C10orf90: variants seen among roughly 807,000 people sequenced by gnomAD.
C10orf90 encodes the protein (E2-independent) E3 ubiquitin-conjugating enzyme FATS.
In C10orf90, 56 loss-of-function variants were observed where a neutral mutation model predicts 62.5. That is an observed-to-expected ratio of 0.90 (90% CI 0.72 to 1.12). The LOEUF (loss-of-function observed/expected upper bound fraction) is 1.12. Ranked by LOEUF, C10orf90 falls within the 50% of genes most tolerant of loss-of-function variation. C10orf90 has a pLI of 0.00. For missense variants in C10orf90, 970 were observed against 880.4 expected, an observed-to-expected ratio of 1.10 and a Z score of -1.29; for synonymous variants, 386 against 340.4, an observed-to-expected ratio of 1.13 and a Z score of -1.47.
intron 4 of C10orf90, among the ~76,000 whole-genome samples, chr10:126,480,132 T>A (rs762807467): frequency 6.6e-6 from 1 of 152,218 alleles, no homozygotes; most frequent in Non-Finnish European, 1.5e-5. Context: ...CTAAAGACTT[T>A]TATTATTCAC....
intron 2 of C10orf90, among the ~76,000 whole-genome samples, chr10:126,605,362 G>A (rs1845285846): frequency 6.6e-6 from 1 of 152,334 alleles, no homozygotes; most frequent in East Asian, 1.9e-4. Flanking sequence ...CTACAGGCCT[G>A]TGGGGAGCAG....
chr10:126,493,023 G>A (rs968783913), intron 4 of C10orf90, among the ~76,000 whole-genome samples: 3 of 152,082 alleles, frequency 2.0e-5, no homozygotes, highest in African/African-American at 4.8e-5. Flanking sequence ...TTTAAATAAA[G>A]TTATACAATG....
chr10:126,540,663 T>A, intron 2 of C10orf90, among the ~76,000 whole-genome samples: 1 of 46,780 alleles, frequency 2.1e-5, no homozygotes, highest in Non-Finnish European at 4.2e-5. Context: ...TGAGACCTTG[T>A]CTAAAAAAAA....
At chr10:126,563,137 G>A (rs543909087) in intron 2 of C10orf90, among the ~76,000 whole-genome samples, 1 of 152,208 alleles carries the variant, frequency 6.6e-6, no homozygotes, top group Non-Finnish European at 1.5e-5. Flanking sequence ...CACTCCAGCT[G>A]GTTGTTGTTT....
chr10:126,599,182 CT>C (rs755259124), intron 2 of C10orf90, among the ~76,000 whole-genome samples: 3,837 of 128,234 alleles, frequency 0.03, 135 homozygotes, highest in African/African-American at 0.1. Context: ...GGTTCCACTC[CT>C]TTTTTTTTTT....
intron 4 of C10orf90, among the ~76,000 whole-genome samples, chr10:126,466,789 C>G (rs1161831585): frequency 2.0e-5 from 3 of 152,160 alleles, no homozygotes; most frequent in Admixed American, 6.5e-5. Flanking sequence ...TAGAAAGTAC[C>G]AAAAAGAAAG....
intron 4 of C10orf90, 97 bp from the exon 5 acceptor site, chr10:126,465,083 G>T (rs995302351): frequency 8.8e-5 from 112 of 1,266,682 alleles, no homozygotes; most frequent in African/African-American, 5.3e-4. Context: ...GGACAGACTT[G>T]GGGGGGAGTA....
chr10:126,569,697 C>G (rs1482066641), intron 2 of C10orf90, among the ~76,000 whole-genome samples: 1 of 152,154 alleles, frequency 6.6e-6, no homozygotes, highest in African/African-American at 2.4e-5. Context: ...TCTTATCTCT[C>G]AGCACAACCT....
intron 7 of C10orf90, among the ~76,000 whole-genome samples, chr10:126,442,435 GAGAC>G (rs1858403443): frequency 8.1e-6 from 1 of 123,248 alleles, no homozygotes; most frequent in Non-Finnish European, 1.6e-5. Context: ...CCTAAGAAAT[GAGAC>G]AGACAGCAAC....
chr10:126,507,923 G>A (rs532693895), intron 3 of C10orf90, among the ~76,000 whole-genome samples: 1 of 151,824 alleles, frequency 6.6e-6, no homozygotes, highest in South Asian at 2.1e-4. Context: ...ATTTCACTTG[G>A]TACACATTCC....
intron 2 of C10orf90, among the ~76,000 whole-genome samples, chr10:126,561,217 AC>A (rs1192144348): frequency 1.3e-5 from 2 of 152,198 alleles, no homozygotes; most frequent in Non-Finnish European, 2.9e-5. Context: ...TAGAAAGTAC[AC>A]CAAGAATATA....
intron 2 of C10orf90, among the ~76,000 whole-genome samples, chr10:126,575,652 G>A (rs111248064): frequency 9.2e-5 from 14 of 152,086 alleles, no homozygotes; most frequent in African/African-American, 3.1e-4. Context: ...AACAAGGCTG[G>A]AGGTATCAGA....
At chr10:126,642,901 C>T (rs1356381829) in intron 2 of C10orf90, among the ~76,000 whole-genome samples, 2 of 152,190 alleles carry the variant, frequency 1.3e-5, no homozygotes, top group Non-Finnish European at 2.9e-5. Flanking sequence ...ATCCTGAGTT[C>T]CCTACCTTAT....
rs556960702 is a variant in C10orf90, at chr10:126,450,270, C to T, written c.2188+8770G>A. Among the ~76,000 whole-genome samples the T allele has an allele frequency of 4.6e-5, 7 of 152,234 alleles. No individual in the cohort carries two copies. The East Asian group carries it at 1.2e-3, about 25-fold the overall frequency. On this transcript the variant is annotated intron_variant, in intron 7 of 9. Transcript: ENST00000488181. ...GAATATTGTTAAAATATCTGTACTA[C>T]CCAATGTGATCTACAGATTTAATGC... is the stretch of plus-strand genomic sequence containing the variant.
At chr10:126,553,424 C>T (rs899839989) in intron 2 of C10orf90, among the ~76,000 whole-genome samples, 2 of 152,122 alleles carry the variant, frequency 1.3e-5, no homozygotes, top group African/African-American at 4.8e-5. Flanking sequence ...CATCAAAATA[C>T]AATCTTGTAC....
At chr10:126,619,622 GGTT>G (rs1246235628) in intron 2 of C10orf90, among the ~76,000 whole-genome samples, 1 of 152,058 alleles carries the variant, frequency 6.6e-6, no homozygotes, top group Non-Finnish European at 1.5e-5. Context: ...TTAAAAACTT[GGTT>G]GTTTTTTTCT....
chr10:126,658,548 T>C (rs1268720068), intron 1 of C10orf90, among the ~76,000 whole-genome samples: 1 of 152,170 alleles, frequency 6.6e-6, no homozygotes, highest in Non-Finnish European at 1.5e-5. Flanking sequence ...AGTTAAATGG[T>C]TTTTGTATTT....
At position 126,642,511 on chromosome 10, in the gene C10orf90, G is replaced by A. The variant is rs567821741; in HGVS notation, c.313+4054C>T. Reference sequence around the variant, plus strand: ...CGCGCCACTGCACTCCAGCCTGGGCGACAGAGCGAGACTCCATCTCAAAAA... The same window carrying A: ...CGCGCCACTGCACTCCAGCCTGGGCAACAGAGCGAGACTCCATCTCAAAAA... On this transcript the variant is annotated intron_variant, in intron 2 of 9. Transcript: ENST00000488181. Among the ~76,000 whole-genome samples the A allele has an allele frequency of 1.7e-4, 26 of 151,920 alleles. No homozygotes were observed. In the East Asian group the frequency reaches 3.7e-3, roughly 22 times the overall value.
At chr10:126,480,562 C>T (rs56206733) in intron 4 of C10orf90, among the ~76,000 whole-genome samples, 22,599 of 152,192 alleles carry the variant, frequency 0.15, 1,751 homozygotes, top group Middle Eastern at 0.22. Context: ...TGAAGGTTGT[C>T]CCCAGGGACT....
Sources: allele counts gnomAD v4.1 joint callset (sites outside exome capture counted in the v4.1 genomes callset), GRCh38; gene constraint gnomAD v4.1.1; transcripts MANE v1.5; gene names NCBI Gene and HGNC (gene_info 2026-07-23, HGNC 2026-07-21).